Variants in TAFA2 observed in about 807,000 individuals in gnomAD.
TAFA2 encodes the protein TAFA chemokine like family member 2, also known as chemokine-like protein TAFA-2.
In TAFA2, 7 loss-of-function variants were observed where a neutral mutation model predicts 18.8. That is an observed-to-expected ratio of 0.37 (90% CI 0.21 to 0.70). TAFA2 has a LOEUF of 0.70. TAFA2 is among the 30% of genes least tolerant of loss of function. The pLI, the probability that TAFA2 is intolerant of heterozygous loss-of-function variation, is 0.53. For missense variants in TAFA2, 122 were observed against 158.1 expected (o/e 0.77, Z 1.23); for synonymous variants, 60 against 54.2 (o/e 1.11, Z -0.47).
At chr12:62,065,077 T>G (rs1555187298) in intron 1 of TAFA2, among the ~76,000 whole-genome samples, 1 of 152,026 alleles carries the variant, frequency 6.6e-6, no homozygotes, top group Non-Finnish European at 1.5e-5. Flanking sequence ...AACACTATGC[T>G]CCCTCAAGAT....
chr12:61,722,852 G>C (rs1051776883), intron 4 of TAFA2, among the ~76,000 whole-genome samples: 3 of 151,850 alleles, frequency 2.0e-5, no homozygotes, highest in African/African-American at 7.3e-5. Flanking sequence ...GACTTGTCTT[G>C]TTCCCTGCTG....
At chr12:62,161,894 C>A (rs1295070527) in intron 1 of TAFA2, among the ~76,000 whole-genome samples, 1 of 151,780 alleles carries the variant, frequency 6.6e-6, no homozygotes, top group African/African-American at 2.4e-5. Flanking sequence ...TTTTTATGAC[C>A]AGAAATATGT....
chr12:61,908,514 C>T (rs965260287), intron 1 of TAFA2, among the ~76,000 whole-genome samples: 2 of 151,946 alleles, frequency 1.3e-5, no homozygotes, highest in African/African-American at 4.8e-5. Flanking sequence ...TAAATTACCC[C>T]ATCTCTCAGG....
rs534120093 is a variant in TAFA2 at position 61,713,261 on chromosome 12, A to G, written c.385-2844T>C. ...TGAGGCAGATGCTGAGCTGTAACCA[A>G]TCTGGCTGTTTCTATACCTCACTTC... On this transcript the variant is annotated intron_variant, in intron 4 of 4. Transcript: ENST00000416284. Among the ~76,000 whole-genome samples the G allele has an allele frequency of 6.6e-4, 101 of 152,252 alleles. 2 individuals are homozygous for G. Among genetic ancestry groups the G allele is most frequent in the African/African-American group, 2.3e-3 (97 of 41,562 alleles).
At chr12:62,014,109 A>G (rs1880851919) in intron 1 of TAFA2, among the ~76,000 whole-genome samples, 1 of 152,208 alleles carries the variant, frequency 6.6e-6, no homozygotes, top group Non-Finnish European at 1.5e-5. Flanking sequence ...GGGCTATATA[A>G]ACACACATCA....
At chr12:61,722,709 A>G (rs1167530508) in intron 4 of TAFA2, among the ~76,000 whole-genome samples, 1 of 152,170 alleles carries the variant, frequency 6.6e-6, no homozygotes, top group Admixed American at 6.6e-5. Context: ...GAACACTTTA[A>G]GAGTAGAATA....
intron 2 of TAFA2, among the ~76,000 whole-genome samples, chr12:61,789,153 C>T (rs1297669669): frequency 6.6e-6 from 1 of 151,902 alleles, no homozygotes; most frequent in African/African-American, 2.4e-5. Flanking sequence ...TTAGTTAGAT[C>T]CCATTTGTCA....
At chr12:61,789,457 T>C (rs1592389699) in intron 2 of TAFA2, among the ~76,000 whole-genome samples, 1 of 151,756 alleles carries the variant, frequency 6.6e-6, no homozygotes, top group Non-Finnish European at 1.5e-5. Flanking sequence ...AACCAAACAC[T>C]GCATGTTCTC....
chr12:61,843,860 G>A, intron 2 of TAFA2, among the ~76,000 whole-genome samples: 1 of 152,234 alleles, frequency 6.6e-6, no homozygotes, highest in South Asian at 2.1e-4. Flanking sequence ...GCTGAAGACT[G>A]GTCAGGAGCA....
chr12:61,848,712 T>C (rs1873509179), intron 2 of TAFA2, among the ~76,000 whole-genome samples: 2 of 131,278 alleles, frequency 1.5e-5, no homozygotes, highest in African/African-American at 5.2e-5. Flanking sequence ...AAATAAAACA[T>C]GGCCAGCAAA....
At chr12:62,197,733 T>C (rs1013858879), upstream of TAFA2, among the ~76,000 whole-genome samples, 6 of 152,182 alleles carry the variant, frequency 3.9e-5, no homozygotes, top group Non-Finnish European at 5.9e-5. Context: ...CTTCTTCCCA[T>C]TGGAATAATT....
At chr12:62,158,073 A>T (rs1450062919) in intron 1 of TAFA2, among the ~76,000 whole-genome samples, 1 of 152,188 alleles carries the variant, frequency 6.6e-6, no homozygotes, top group East Asian at 1.9e-4. Flanking sequence ...ATTCCCTATA[A>T]ACTTTTCTGG....
intron 1 of TAFA2, among the ~76,000 whole-genome samples, chr12:61,981,971 G>C (rs940851048): frequency 6.6e-6 from 1 of 152,094 alleles, no homozygotes; most frequent in African/African-American, 2.4e-5. Context: ...AATCATGCTA[G>C]TATAAAGACA....
At chr12:62,092,015 ATAAC>A (rs1249848390) in intron 1 of TAFA2, among the ~76,000 whole-genome samples, 4 of 152,032 alleles carry the variant, frequency 2.6e-5, no homozygotes, top group Admixed American at 6.6e-5. Context: ...TTTTAAAAGA[ATAAC>A]TAGTACCCAC....
intron 2 of TAFA2, among the ~76,000 whole-genome samples, chr12:61,767,280 A>G (rs998614704): frequency 6.6e-6 from 1 of 152,140 alleles, no homozygotes; most frequent in Non-Finnish European, 1.5e-5. Context: ...AGTTTCCTCA[A>G]CTATAAAATT....
At chr12:61,844,472 A>T (rs1419620012) in intron 2 of TAFA2, among the ~76,000 whole-genome samples, 1 of 152,138 alleles carries the variant, frequency 6.6e-6, no homozygotes, top group Non-Finnish European at 1.5e-5. Flanking sequence ...TTTTCAAATG[A>T]TTATTAATTC....
intron 1 of TAFA2, among the ~76,000 whole-genome samples, chr12:62,147,955 GA>G (rs1208611471): frequency 1.3e-5 from 2 of 151,844 alleles, no homozygotes; most frequent in Non-Finnish European, 2.9e-5. Flanking sequence ...CGAACATATG[GA>G]AAAAAATGTT....
intron 1 of TAFA2, among the ~76,000 whole-genome samples, chr12:62,187,685 C>G (rs1286947376): frequency 6.6e-6 from 1 of 152,146 alleles, no homozygotes; most frequent in East Asian, 1.9e-4. Flanking sequence ...TGAATCACTG[C>G]ACTGAATGAA....
upstream of TAFA2, chr12:62,259,875 A>T (rs1291597388): frequency 1.3e-5 from 2 of 155,758 alleles, no homozygotes; most frequent in African/African-American, 4.8e-5. Flanking sequence ...TCGGTTTCGG[A>T]GTGTTTTTTG....
Sources: gnomAD v4.1 joint callset for allele counts (sites outside exome capture counted in the v4.1 genomes callset) on GRCh38, gnomAD v4.1.1 for gene constraint, MANE v1.5 for transcripts, NCBI Gene and HGNC (gene_info 2026-07-23, HGNC 2026-07-21) for gene names.